Variants in GRID1 observed in about 807,000 individuals in gnomAD.
GRID1 encodes glutamate ionotropic receptor delta type subunit 1.
A neutral mutation model predicts 98.0 loss-of-function variants in GRID1; 28 were observed. The ratio of observed to expected loss-of-function variants is 0.29; its 90% CI spans 0.21 to 0.39. The LOEUF (loss-of-function observed/expected upper bound fraction) is 0.39. GRID1 is among the 10% of genes least tolerant of loss of function. The pLI is 1.00. For missense variants in GRID1, 1,111 were observed against 1,340.5 expected, an observed-to-expected ratio of 0.83 and a Z score of 2.67; for synonymous variants, 553 against 538.5, an observed-to-expected ratio of 1.03 and a Z score of -0.37.
At chr10:86,305,649 A>C (rs546500454) in intron 2 of GRID1, among the ~76,000 whole-genome samples, 29 of 152,112 alleles carry the variant, frequency 1.9e-4, no homozygotes, top group Non-Finnish European at 3.5e-4. Context: ...CCATAATAGG[A>C]GGAGTGGCAG....
intron 8 of GRID1, among the ~76,000 whole-genome samples, chr10:85,817,018 G>T (rs2131747785): frequency 6.6e-6 from 1 of 152,210 alleles, no homozygotes; most frequent in South Asian, 2.1e-4. Flanking sequence ...CTATGTTGCT[G>T]CAAAGGACCT....
intron 2 of GRID1, among the ~76,000 whole-genome samples, chr10:86,338,764 G>T (rs1345654393): frequency 1.3e-5 from 2 of 152,202 alleles, no homozygotes; most frequent in Middle Eastern, 6.8e-3. Context: ...CGCCATGTTG[G>T]TCAGGCTGAT....
At chr10:85,720,642 AAAAG>A (rs984609428) in intron 12 of GRID1, among the ~76,000 whole-genome samples, 11 of 151,740 alleles carry the variant, frequency 7.2e-5, no homozygotes, top group Middle Eastern at 6.8e-3. Context: ...ACAAAAAAAA[AAAAG>A]AAAGAAAGAA....
intron 6 of GRID1, among the ~76,000 whole-genome samples, chr10:85,863,044 TCG>T (rs772891218): frequency 6.6e-6 from 1 of 152,196 alleles, no homozygotes; most frequent in Non-Finnish European, 1.5e-5. Context: ...CAACTCCCCA[TCG>T]CGTACAACAC....
rs777014093 is a variant in GRID1 at position 86,366,292 on chromosome 10, C to A, written c.79+22G>T. On this transcript the variant is annotated intron_variant, in intron 1 of 15. Coordinates refer to ENST00000327946, the MANE Select transcript of GRID1 (RefSeq NM_017551.3). This position sits in a 1 kb window ranked among gnomAD's most constrained non-coding sequence, Gnocchi z 4.1. ...CGTTGGGGCCCCCGCCCAGCCTCGG[C>A]CCGGCCTCCAGCCGCGCTTACCGAT... 2 of 1,476,792 alleles carry A rather than the reference C, an allele frequency of 1.4e-6. No homozygotes were observed. The highest frequency in any genetic ancestry group is 1.8e-6 in the Non-Finnish European group (2 of 1,108,444). 91.5% of individuals were successfully genotyped at this position (1,476,792 alleles called of 1,614,324 possible).
intron 8 of GRID1, among the ~76,000 whole-genome samples, chr10:85,849,257 C>T (rs1228620505): frequency 2.6e-5 from 4 of 152,154 alleles, no homozygotes; most frequent in Admixed American, 1.3e-4. Context: ...GGACTGGGGT[C>T]CTATGGCGTG....
At chr10:86,032,900 A>G (rs1373361751) in intron 4 of GRID1, among the ~76,000 whole-genome samples, 1 of 151,230 alleles carries the variant, frequency 6.6e-6, no homozygotes, top group Non-Finnish European at 1.5e-5. Flanking sequence ...AATTTCCCTG[A>G]TTATCTCAAA....
chr10:86,344,611 T>C (rs1848356535), intron 2 of GRID1, among the ~76,000 whole-genome samples: 1 of 152,236 alleles, frequency 6.6e-6, no homozygotes, highest in Admixed American at 6.5e-5. Context: ...CAGCCTCTTT[T>C]GGAGCCAAAG....
At chr10:85,886,366 T>A (rs1841118431) in intron 5 of GRID1, among the ~76,000 whole-genome samples, 1 of 152,206 alleles carries the variant, frequency 6.6e-6, no homozygotes, top group Non-Finnish European at 1.5e-5. Context: ...CTGAACCATT[T>A]GTAAAGTGAA....
At chr10:85,922,006 C>G (rs993347323) in intron 4 of GRID1, among the ~76,000 whole-genome samples, 1 of 152,208 alleles carries the variant, frequency 6.6e-6, no homozygotes, top group Non-Finnish European at 1.5e-5. Context: ...ATACCTCAAT[C>G]TAGACTCGTA....
chr10:86,273,887 C>G (rs566411800), intron 2 of GRID1, among the ~76,000 whole-genome samples: 1 of 151,616 alleles, frequency 6.6e-6, no homozygotes, highest in South Asian at 2.1e-4. Context: ...ATGGTAGTTT[C>G]TTTTGCTGTG....
intron 3 of GRID1, among the ~76,000 whole-genome samples, chr10:86,200,772 A>G (rs1401164439): frequency 1.3e-5 from 2 of 152,234 alleles, no homozygotes; most frequent in African/African-American, 4.8e-5. Flanking sequence ...AAAATCAACT[A>G]CAAACAGGTG....
chr10:86,298,715 C>T (rs73338214), intron 2 of GRID1, among the ~76,000 whole-genome samples: 11,131 of 152,216 alleles, frequency 0.073, 1,134 homozygotes, highest in African/African-American at 0.24. Flanking sequence ...TCCACCCCTA[C>T]GGCACCTGCA....
intron 12 of GRID1, among the ~76,000 whole-genome samples, chr10:85,695,254 A>C (rs1426373978): frequency 6.6e-6 from 1 of 152,202 alleles, no homozygotes; most frequent in Non-Finnish European, 1.5e-5. Flanking sequence ...CGTCTACTGC[A>C]GAAGGCTGGA....
At chr10:86,262,117 T>G (rs1847025509) in intron 2 of GRID1, among the ~76,000 whole-genome samples, 2 of 152,174 alleles carry the variant, frequency 1.3e-5, no homozygotes, top group Non-Finnish European at 2.9e-5. Flanking sequence ...CTTTACACTG[T>G]GCAAGTCACC....
intron 4 of GRID1, among the ~76,000 whole-genome samples, chr10:86,028,769 T>G (rs1224876766): frequency 6.6e-6 from 1 of 152,080 alleles, no homozygotes; most frequent in Admixed American, 6.5e-5. Context: ...TCATCTCAAA[T>G]GACAGGTTTG....
At chr10:85,865,983 A>G (rs1843217322) in intron 6 of GRID1, among the ~76,000 whole-genome samples, 1 of 133,754 alleles carries the variant, frequency 7.5e-6, no homozygotes, top group African/African-American at 2.8e-5. Context: ...AGAGAGAGAG[A>G]GAGAGAGAGA....
At chr10:86,018,687 C>T (rs530286897) in intron 4 of GRID1, among the ~76,000 whole-genome samples, 1 of 152,258 alleles carries the variant, frequency 6.6e-6, no homozygotes, top group South Asian at 2.1e-4. Context: ...ATGCTGGGGC[C>T]ACAGACAAAG....
chr10:85,807,869 T>C (rs1380867628), intron 8 of GRID1, among the ~76,000 whole-genome samples: 1 of 152,212 alleles, frequency 6.6e-6, no homozygotes, highest in Non-Finnish European at 1.5e-5. Flanking sequence ...ATTCCATTTC[T>C]GTACATAGTC....
Sources: gnomAD v4.1 joint callset for allele counts (sites outside exome capture counted in the v4.1 genomes callset) on GRCh38, gnomAD v4.1.1 for gene constraint, Gnocchi (gnomAD v3.1) non-coding constraint, MANE v1.5 for transcripts, NCBI Gene and HGNC (gene_info 2026-07-23, HGNC 2026-07-21) for gene names.